Variants in RGS22 observed in about 807,000 individuals in gnomAD.
RGS22 encodes the protein regulator of G-protein signaling 22.
RGS22 carries 148 observed loss-of-function variants against 172.9 expected under a neutral mutation model. The ratio of observed to expected loss-of-function variants is 0.86; its 90% CI spans 0.75 to 0.98. RGS22 has a LOEUF of 0.98. Among genes scored for constraint, RGS22 ranks in the 50% least tolerant of loss-of-function variants. The probability of loss-of-function intolerance (pLI) is 0.00; values close to 1 mark genes in which losing one functional copy is unlikely to be tolerated. For missense variants in RGS22, 1,347 were observed against 1,440.8 expected (o/e 0.93, Z 1.05); for synonymous variants, 458 against 480.2 (o/e 0.95, Z 0.60).
At chr8:100,032,674 A>C (rs1287601516) in intron 14 of RGS22, among the ~76,000 whole-genome samples, 1 of 152,350 alleles carries the variant, frequency 6.6e-6, no homozygotes. Context: ...GACCTAATAG[A>C]CATCTACAGA....
At chr8:100,042,058 A>G in intron 11 of RGS22, 142 bp from the exon 12 acceptor site, 1 of 557,064 alleles carries the variant, frequency 1.8e-6, no homozygotes, top group Non-Finnish European at 3.2e-6. Flanking sequence ...AAGGATAAAC[A>G]TCGTTCTAGC....
intron 2 of RGS22, among the ~76,000 whole-genome samples, chr8:100,104,355 TGTGTGTA>T (rs1458781515): frequency 2.1e-5 from 3 of 145,970 alleles, no homozygotes; most frequent in African/African-American, 8.3e-5. Context: ...TGTGTGTGTG[TGTGTGTA>T]TTTTTTTTTT....
chr8:100,035,969 G>T (rs1016455858), intron 14 of RGS22, among the ~76,000 whole-genome samples: 3 of 152,082 alleles, frequency 2.0e-5, no homozygotes, highest in African/African-American at 7.2e-5. Context: ...GGAGTGGGGG[G>T]CTGGGGGTGG....
intron 10 of RGS22, among the ~76,000 whole-genome samples, chr8:100,052,077 G>T (rs374567635): frequency 6.4e-5 from 5 of 78,712 alleles, no homozygotes; most frequent in African/African-American, 9.4e-5. Context: ...ATATATAAAT[G>T]TTTATATATA....
intron 2 of RGS22, among the ~76,000 whole-genome samples, chr8:100,097,472 G>A (rs1334547416): frequency 2.0e-5 from 3 of 152,230 alleles, no homozygotes; most frequent in African/African-American, 7.2e-5. Flanking sequence ...GGACAGCTAT[G>A]TGAAAAAGCA....
Position 99,971,490 on chromosome 8 carries a change from C to A in RGS22, c.3520-6060G>T, listed in dbSNP as rs1389907650. Among the ~76,000 whole-genome samples, 3 of 152,068 alleles carry A rather than the reference C, an allele frequency of 2.0e-5. No homozygotes were observed. In the East Asian group the frequency reaches 5.8e-4, roughly 29 times the overall value. ...TATTTAGAAAACCCCATTGTCTCAG[C>A]CAAAAACTCCTTAAGCTGATAAGCA... On this transcript the variant is annotated intron_variant, in intron 23 of 27. Transcript: ENST00000360863.
At chr8:99,968,616 C>T (rs1418922167) in intron 23 of RGS22, among the ~76,000 whole-genome samples, 6 of 151,398 alleles carry the variant, frequency 4.0e-5, no homozygotes, top group Non-Finnish European at 8.8e-5. Context: ...ACTGATCAAG[C>T]GGAAGAAAGG....
chr8:100,028,385 G>C (rs1302177281), intron 14 of RGS22, among the ~76,000 whole-genome samples: 1 of 142,910 alleles, frequency 7.0e-6, no homozygotes, highest in South Asian at 2.1e-4. Context: ...GCAGTCACAT[G>C]TTCCCTTATT....
intron 9 of RGS22, among the ~76,000 whole-genome samples, chr8:100,056,398 C>T (rs1203352544): frequency 1.3e-5 from 2 of 152,144 alleles, no homozygotes; most frequent in African/African-American, 4.8e-5. Flanking sequence ...TAATGATGAG[C>T]CAAATGTTAA....
At chr8:100,053,639 C>T (rs897084353) in intron 9 of RGS22, among the ~76,000 whole-genome samples, 1 of 152,026 alleles carries the variant, frequency 6.6e-6, no homozygotes, top group African/African-American at 2.4e-5. Flanking sequence ...TTAAAACATA[C>T]AAACTTTTTT....
At chr8:100,011,519 T>C (rs1403513860) in intron 14 of RGS22, among the ~76,000 whole-genome samples, 1 of 152,090 alleles carries the variant, frequency 6.6e-6, no homozygotes, top group Non-Finnish European at 1.5e-5. Context: ...TCACACATAA[T>C]AAAAGTCAAA....
chr8:100,094,121 C>G (rs1266735033), intron 2 of RGS22, among the ~76,000 whole-genome samples: 1 of 152,176 alleles, frequency 6.6e-6, no homozygotes, highest in Non-Finnish European at 1.5e-5. Flanking sequence ...ATAACTATCT[C>G]ATCCACCAAC....
intron 14 of RGS22, among the ~76,000 whole-genome samples, chr8:100,015,289 T>TTTTCTTTC (rs142998285): frequency 2.6e-5 from 4 of 152,038 alleles, no homozygotes; most frequent in South Asian, 4.2e-4. Context: ...TTTTCTTTTC[T>TTTTCTTTC]TTTCTTTCTT....
chr8:100,040,956 TA>T (rs562310749), intron 12 of RGS22, among the ~76,000 whole-genome samples: 21 of 148,726 alleles, frequency 1.4e-4, no homozygotes, highest in East Asian at 3.9e-4. Flanking sequence ...CATTACAAAC[TA>T]AAAAAAAAAT....
intron 14 of RGS22, among the ~76,000 whole-genome samples, chr8:100,025,185 C>T (rs1321658564): frequency 1.3e-5 from 2 of 152,152 alleles, no homozygotes; most frequent in African/African-American, 4.8e-5. Flanking sequence ...CTTGTTCTTC[C>T]TGAACCCACT....
intron 23 of RGS22, 112 bp downstream of exon 23, chr8:99,977,805 T>C (rs989587516): frequency 5.9e-6 from 5 of 842,234 alleles, no homozygotes; most frequent in African/African-American, 3.6e-5. Context: ...TCCACTAATA[T>C]CTGTATTCCA....
intron 2 of RGS22, among the ~76,000 whole-genome samples, chr8:100,097,953 G>T (rs1050387864): frequency 2.0e-5 from 3 of 152,158 alleles, no homozygotes; most frequent in African/African-American, 7.2e-5. Flanking sequence ...TTTGGCTCCT[G>T]CCCACTGTCC....
chr8:100,065,813 G>GA (rs1274950295), intron 7 of RGS22, among the ~76,000 whole-genome samples: 1 of 152,046 alleles, frequency 6.6e-6, no homozygotes, highest in African/African-American at 2.4e-5. Context: ...ACTGTGATAA[G>GA]AAATAATGAC....
chr8:100,097,089 G>A (rs1170023822), intron 2 of RGS22, among the ~76,000 whole-genome samples: 2 of 152,088 alleles, frequency 1.3e-5, no homozygotes, highest in Admixed American at 6.5e-5. Context: ...TAATGCTGAG[G>A]ACATAGATAA....
Sources: allele counts gnomAD v4.1 joint callset (sites outside exome capture counted in the v4.1 genomes callset), GRCh38; gene constraint gnomAD v4.1.1; transcripts MANE v1.5; gene names NCBI Gene and HGNC (gene_info 2026-07-23, HGNC 2026-07-21).